MED14: variants seen among roughly 807,000 people sequenced by gnomAD.
MED14 encodes mediator complex subunit 14, also known as mediator of RNA polymerase II transcription subunit 14.
Under a neutral mutation model 109.0 loss-of-function variants are expected in MED14, and 8 were observed. The observed-to-expected ratio is 0.07, with a 90% CI of 0.04 to 0.13. The LOEUF (loss-of-function observed/expected upper bound fraction) is 0.13, where lower values mean the gene tolerates loss of function less well. MED14 is among the 10% of genes least tolerant of loss of function. MED14 has a pLI of 1.00. For synonymous variants in MED14, 399 were observed against 408.7 expected, an observed-to-expected ratio of 0.98 and a Z score of 0.29; for missense variants, 711 against 1,142.4, an observed-to-expected ratio of 0.62 and a Z score of 5.44.
At chrX:40,695,121 T>C (rs1374455440) in intron 13 of MED14, among the ~76,000 whole-genome samples, 3 of 111,229 alleles carry the variant, frequency 2.7e-5, no homozygotes, top group African/African-American at 9.8e-5. Flanking sequence ...GGCAAACCTA[T>C]AGAGACACAA....
chrX:40,704,119 CCATTT>C (rs1483210510), intron 10 of MED14, among the ~76,000 whole-genome samples: 2 of 111,793 alleles, frequency 1.8e-5, no homozygotes, highest in Non-Finnish European at 3.8e-5. Context: ...TTTGTATACT[CCATTT>C]CAAGTCACAG....
chrX:40,719,454 T>C (rs1229133485), intron 3 of MED14, among the ~76,000 whole-genome samples: 1 of 111,303 alleles, frequency 9.0e-6, no homozygotes, highest in Non-Finnish European at 1.9e-5. Flanking sequence ...ATCCATGCAA[T>C]TCAGCCATAA....
intron 1 of MED14, among the ~76,000 whole-genome samples, chrX:40,733,152 T>C (rs1213597306): frequency 9.3e-6 from 1 of 107,930 alleles, no homozygotes; most frequent in Non-Finnish European, 1.9e-5. Context: ...TCACCCAGTC[T>C]GGAGTGCAGT....
chrX:40,679,016 G>T (rs1216540114), intron 21 of MED14, among the ~76,000 whole-genome samples: 1 of 111,430 alleles, frequency 9.0e-6, no homozygotes, highest in African/African-American at 3.3e-5. Context: ...AGAGTGGGTT[G>T]CAGGAGACTA....
At chrX:40,732,659 A>G (rs1932117265) in intron 1 of MED14, among the ~76,000 whole-genome samples, 1 of 111,017 alleles carries the variant, frequency 9.0e-6, no homozygotes, top group South Asian at 3.8e-4. Flanking sequence ...GCATGCCTGT[A>G]GTTCCAGCTA....
intron 30 of MED14, among the ~76,000 whole-genome samples, chrX:40,652,982 G>GA (rs5902260): frequency 9.0e-6 from 1 of 111,054 alleles, no homozygotes; most frequent in East Asian, 2.8e-4. Context: ...TCCAAGGGGG[G>GA]AAAAAAATGA....
rs752338804 is a variant in MED14, at chrX:40,663,031, C to T, written c.3578G>A (p.Gly1193Asp). Reference protein sequence around the residue: ...NILLLPSPTPGLVPGLAGSYL... With the variant: ...NILLLPSPTPDLVPGLAGSYL... The stretch of plus-strand genomic sequence containing the variant: ...ACTACCTGCCAGGCCGGGCACAAGG[C>T]CTGGAGTTGGAGAGGGCAGCAGTAA... The change falls in exon 26 of 31, where the codon GGC (glycine) becomes GAC (aspartate). Residue 1193 changes from glycine (G) to aspartate (D), a missense_variant. Coordinates refer to ENST00000324817, the MANE Select transcript of MED14 (RefSeq NM_004229.4). The T allele has an allele frequency of 5.8e-6, 7 of 1,209,673 alleles. No individual in the cohort carries two copies. In the Admixed American group the frequency reaches 1.1e-4, roughly 19 times the overall value.
At position 40,651,027 on chromosome X, in the gene MED14, G is replaced by A. The variant is rs1358874584; in HGVS notation, c.*779C>T. 2.7e-6 allele frequency: 2 copies of A among 751,927 alleles called. No homozygotes were observed. The highest frequency in any genetic ancestry group is 3.0e-4 in the East Asian group (2 of 6,627). 62.0% of individuals were successfully genotyped at this position (751,927 alleles called of 1,213,427 possible). On this transcript the variant is annotated 3_prime_UTR_variant, in exon 31 of 31. Transcript: ENST00000324817. Reference sequence around the variant, plus strand: ...CATACTGTCCCTTCTCAAAGACTAAGTTCCTTATTTTTCACCCAAATCCTA... The same window carrying A: ...CATACTGTCCCTTCTCAAAGACTAAATTCCTTATTTTTCACCCAAATCCTA...
chrX:40,714,474 ACAATC>A lies in MED14; in HGVS notation c.522+58_522+62del, dbSNP rs769853329. On this transcript the variant is annotated intron_variant, in intron 4 of 30. Coordinates refer to ENST00000324817, the MANE Select transcript of MED14 (RefSeq NM_004229.4). Reference sequence around the variant, plus strand: ...GTTTTTTGCTGGGCTACTTAATAATACAATCCAATCCAGTGCCAAAACCTTTAGTT... The same window carrying A: ...GTTTTTTGCTGGGCTACTTAATAATACAATCCAGTGCCAAAACCTTTAGTT... 8 of 1,111,390 alleles carry A rather than the reference ACAATC, an allele frequency of 7.2e-6. No homozygotes were observed. The African/African-American group carries it at 1.5e-4, about 20-fold the overall frequency. 91.6% of individuals were successfully genotyped at this position (1,111,390 alleles called of 1,213,427 possible).
chrX:40,702,788 GA>G (rs1388162029), intron 11 of MED14, among the ~76,000 whole-genome samples: 1 of 111,155 alleles, frequency 9.0e-6, no homozygotes, highest in African/African-American at 3.3e-5. Flanking sequence ...GCAGCCCATA[GA>G]AAAAAAATCT....
chrX:40,718,091 G>A (rs1931599948), intron 3 of MED14, among the ~76,000 whole-genome samples: 1 of 111,874 alleles, frequency 8.9e-6, no homozygotes, highest in African/African-American at 3.3e-5. Context: ...ATAATCAGAA[G>A]AGCTGAAACA....
chrX:40,683,667 T>C (rs1226411114), intron 16 of MED14, among the ~76,000 whole-genome samples: 2 of 111,946 alleles, frequency 1.8e-5, no homozygotes, highest in Non-Finnish European at 3.8e-5. Context: ...CCTGGCCCCA[T>C]GTATGTTAAT....
chrX:40,712,874 A>C (rs747188838), intron 6 of MED14, 40 bp downstream of exon 6: 40 of 1,082,174 alleles, frequency 3.7e-5, no homozygotes, highest in Non-Finnish European at 4.7e-5. Flanking sequence ...TCAAACATTT[A>C]AACTAATACT....
chrX:40,707,022 A>G (rs1931171011), intron 10 of MED14, among the ~76,000 whole-genome samples: 1 of 111,468 alleles, frequency 9.0e-6, no homozygotes, highest in Admixed American at 9.6e-5. Context: ...GCACTTTGGG[A>G]GGCCAATGTG....
Position 40,714,655 on chromosome X carries a change from C to T in MED14, c.404G>A (p.Arg135His). Residue 135 changes from arginine (R) to histidine (H), a missense_variant, in exon 4 of 31, where the codon CGC (arginine) becomes CAC (histidine). Transcript: ENST00000324817. ...AGCATCTCTAGCTAACGAGGCCAGG[C>T]GATCAGCAGTGTCCACAAACAGGAT... Reference protein sequence around the residue: ...QAILFVDTADRLASLARDALV... With the variant: ...QAILFVDTADHLASLARDALV... 1.7e-6 allele frequency: 2 copies of T among 1,211,029 alleles called. No individual in the cohort carries two copies. The highest frequency in any genetic ancestry group is 2.2e-6 in the Non-Finnish European group (2 of 895,167).
At position 40,682,598 on chromosome X, in the gene MED14, C is replaced by T. The variant is rs775624780; in HGVS notation, c.2365+5G>A. The T allele has an allele frequency of 6.8e-5, 78 of 1,147,152 alleles. No individual in the cohort carries two copies. The highest frequency in any genetic ancestry group is 8.7e-5 in the Non-Finnish European group (75 of 861,582). The allele number at this position is 1,147,152 out of a possible 1,213,427, so 94.5% of individuals were successfully genotyped here. A position where few individuals can be genotyped will look rare whatever the true frequency, so the allele number is the denominator to read the frequency against. On this transcript the variant is annotated splice_donor_5th_base_variant and intron_variant, in intron 18 of 30. Coordinates refer to ENST00000324817, the MANE Select transcript of MED14 (RefSeq NM_004229.4). ...ATTTAAAAAGGAGATTATCTCCACA[C>T]GTACCTGGTAGAGAACGTGCAAATT...
At chrX:40,704,894 C>T (rs984893016) in intron 10 of MED14, among the ~76,000 whole-genome samples, 6 of 111,223 alleles carry the variant, frequency 5.4e-5, no homozygotes, top group Non-Finnish European at 1.1e-4. Context: ...TTTTGGATTT[C>T]GGATTTTCAG....
intron 15 of MED14, among the ~76,000 whole-genome samples, chrX:40,689,786 C>T (rs915993265): frequency 8.9e-6 from 1 of 111,794 alleles, no homozygotes; most frequent in Non-Finnish European, 1.9e-5. Context: ...AGAAAATATA[C>T]TTGCTTTTAT....
At chrX:40,693,393 G>A (rs2071612672) in intron 13 of MED14, among the ~76,000 whole-genome samples, 1 of 110,915 alleles carries the variant, frequency 9.0e-6, no homozygotes. Flanking sequence ...TGGGTCTCAC[G>A]AAATCTGATG....
Sources: gnomAD v4.1 joint callset for allele counts (sites outside exome capture counted in the v4.1 genomes callset) on GRCh38, gnomAD v4.1.1 for gene constraint, MANE v1.5 for transcripts, NCBI Gene and HGNC (gene_info 2026-07-23, HGNC 2026-07-21) for gene names.